The following NRXN1 variants were observed in gnomAD, a reference collection of about 807,000 sequenced individuals.
The protein encoded by NRXN1 is neurexin 1, also known as neurexin-1.
A neutral mutation model predicts 150.9 loss-of-function variants in NRXN1; 39 were observed. The observed-to-expected ratio is 0.26, with a 90% CI of 0.20 to 0.34. The LOEUF (loss-of-function observed/expected upper bound fraction) is 0.34, where lower values mean the gene tolerates loss of function less well. NRXN1 is among the 10% of genes least tolerant of loss of function. The pLI is 1.00. For missense variants in NRXN1, 1,815 were observed against 1,949.9 expected (o/e 0.93, Z 1.30); for synonymous variants, 924 against 757.0 (o/e 1.22, Z -3.62).
chr2:50,250,946 TG>T (rs1235601559), intron 17 of NRXN1, among the ~76,000 whole-genome samples: 1 of 151,360 alleles, frequency 6.6e-6, no homozygotes, highest in Non-Finnish European at 1.5e-5. Flanking sequence ...TTATTACATA[TG>T]GCATATGTAA....
intron 2 of NRXN1, among the ~76,000 whole-genome samples, chr2:50,940,097 G>A (rs1162068114): frequency 6.6e-6 from 1 of 151,998 alleles, no homozygotes; most frequent in Non-Finnish European, 1.5e-5. Context: ...TCTATTTATG[G>A]CTCCCGAAAT....
intron 5 of NRXN1, among the ~76,000 whole-genome samples, chr2:50,789,059 C>G (rs2105584449): frequency 6.6e-6 from 1 of 152,174 alleles, no homozygotes; most frequent in South Asian, 2.1e-4. Context: ...CCCGTAGGTC[C>G]AAACAAACCA....
chr2:50,368,251 T>C (rs1295128078), intron 17 of NRXN1, among the ~76,000 whole-genome samples: 1 of 151,908 alleles, frequency 6.6e-6, no homozygotes, highest in Non-Finnish European at 1.5e-5. Flanking sequence ...ATGAAACACA[T>C]TTTCAACTGG....
chr2:50,246,476 A>T (rs1287958013), intron 17 of NRXN1, among the ~76,000 whole-genome samples: 1 of 152,016 alleles, frequency 6.6e-6, no homozygotes, highest in Non-Finnish European at 1.5e-5. Context: ...ACTTTTGTTT[A>T]TTTCCTAATG....
Position 50,623,596 on chromosome 2 carries a change from G to A in NRXN1, c.852C>T (p.Ala284=), listed in dbSNP as rs768672716. 3 of 1,610,350 alleles carry A rather than the reference G, an allele frequency of 1.9e-6. No homozygotes were observed. Among genetic ancestry groups the A allele is most frequent in the Non-Finnish European group, 1.7e-6 (2 of 1,177,338 alleles). ...AGAAGTATTCAGATCCTTTGAACGT[G>A]GCAATATATTCTTCTTTTCCTAGAG... The part of the protein sequence containing the change: ...GKSKGKEEYI[A]TFKGSEYFCY... The change falls in exon 6 of 23, where the codon GCC becomes GCT. Residue 284 remains alanine (A), a synonymous_variant. Coordinates refer to ENST00000401669, the MANE Select transcript of NRXN1 (RefSeq NM_001330078.2).
At chr2:50,533,097 ATTTG>A (rs2093161850) in intron 10 of NRXN1, among the ~76,000 whole-genome samples, 1 of 152,120 alleles carries the variant, frequency 6.6e-6, no homozygotes, top group South Asian at 2.1e-4. Flanking sequence ...TTTAATCACT[ATTTG>A]TTGTCATGAT....
intron 17 of NRXN1, among the ~76,000 whole-genome samples, chr2:50,287,005 A>G (rs895315568): frequency 4.6e-5 from 7 of 152,030 alleles, no homozygotes; most frequent in Non-Finnish European, 1.0e-4. Flanking sequence ...TAGAACTTAT[A>G]TTTTGTTGAA....
intron 8 of NRXN1, among the ~76,000 whole-genome samples, chr2:50,603,926 A>G (rs903320690): frequency 6.6e-6 from 1 of 152,060 alleles, no homozygotes; most frequent in Non-Finnish European, 1.5e-5. Context: ...CGACCACTCA[A>G]GCTCCCCACT....
At chr2:50,043,069 G>A (rs1558756283) in intron 21 of NRXN1, among the ~76,000 whole-genome samples, 1 of 152,126 alleles carries the variant, frequency 6.6e-6, no homozygotes, top group Non-Finnish European at 1.5e-5. Context: ...TAGGCAATGT[G>A]AACAGTTTAC....
intron 22 of NRXN1, among the ~76,000 whole-genome samples, chr2:49,943,146 T>C (rs62132439): frequency 0.21 from 32,289 of 152,030 alleles, 3,657 homozygotes; most frequent in East Asian, 0.31. Context: ...AAGTAAAATG[T>C]TTCAGCTTGA....
At chr2:50,758,131 G>T (rs1337235816) in intron 5 of NRXN1, 1 of 151,822 alleles carries the variant, frequency 6.6e-6, no homozygotes, top group Admixed American at 6.6e-5. Context: ...AAAATTTCAA[G>T]TTTCTCTAAA....
chr2:51,018,957 C>G (rs1470468428), intron 2 of NRXN1, among the ~76,000 whole-genome samples: 2 of 151,974 alleles, frequency 1.3e-5, no homozygotes, highest in Non-Finnish European at 2.9e-5. Context: ...GTTATGAAAA[C>G]AAAGAGTGAT....
At chr2:51,018,498 A>G (rs533693807) in intron 2 of NRXN1, among the ~76,000 whole-genome samples, 4 of 152,222 alleles carry the variant, frequency 2.6e-5, no homozygotes, top group South Asian at 4.1e-4. Flanking sequence ...CAGGGCATTC[A>G]TCTTTCCAAC....
chr2:50,773,471 G>A (rs1487915807), intron 5 of NRXN1, among the ~76,000 whole-genome samples: 1 of 152,152 alleles, frequency 6.6e-6, no homozygotes, highest in Non-Finnish European at 1.5e-5. Flanking sequence ...TAGAAGGCCT[G>A]AAATAAATGA....
In NRXN1 at chr2:50,346,207, T is replaced by A. The variant is rs1285688582; in HGVS notation, c.3365-109237A>T. On this transcript the variant is annotated intron_variant, in intron 17 of 22. Coordinates refer to ENST00000401669, the MANE Select transcript of NRXN1 (RefSeq NM_001330078.2). This position sits in a 1 kb window ranked among gnomAD's most constrained non-coding sequence, Gnocchi z 5.0. ...GCAGTCTGGGCGCACTTTGGAGGAA[T>A]GTGCGGGCTGGAATCTCTCCCTCCC... Among the ~76,000 whole-genome samples, 1 of 152,186 alleles carries A rather than the reference T, an allele frequency of 6.6e-6. No homozygotes were observed. The highest frequency in any genetic ancestry group is 1.5e-5 in the Non-Finnish European group (1 of 68,024).
At chr2:50,449,920 G>A (rs1203225266) in intron 17 of NRXN1, among the ~76,000 whole-genome samples, 1 of 152,154 alleles carries the variant, frequency 6.6e-6, no homozygotes, top group Non-Finnish European at 1.5e-5. Flanking sequence ...CCATTTTACA[G>A]ATGAAGAAGC....
Position 50,117,614 on chromosome 2 carries a change from A to G in NRXN1, c.3547-26120T>C, listed in dbSNP as rs934105521. Among the ~76,000 whole-genome samples the G allele has an allele frequency of 2.6e-5, 4 of 152,184 alleles. 1 individual carries two copies. Among genetic ancestry groups the G allele is most frequent in the Admixed American group, 2.0e-4 (3 of 15,268 alleles). On this transcript the variant is annotated intron_variant, in intron 18 of 22. Coordinates refer to ENST00000401669, the MANE Select transcript of NRXN1 (RefSeq NM_001330078.2). ...GTATTAAATGAATACACCTTCTAGC[A>G]AAAATCATTTCTTGTTATGTGCCTC... is the stretch of plus-strand genomic sequence containing the variant.
At chr2:50,201,249 T>G (rs965593494) in intron 18 of NRXN1, among the ~76,000 whole-genome samples, 4 of 152,140 alleles carry the variant, frequency 2.6e-5, no homozygotes, top group Non-Finnish European at 5.9e-5. Flanking sequence ...ATAGTTCAAG[T>G]GATTTTCAAC....
intron 5 of NRXN1, among the ~76,000 whole-genome samples, chr2:50,665,482 T>C (rs1475749086): frequency 6.6e-6 from 1 of 151,938 alleles, no homozygotes; most frequent in Non-Finnish European, 1.5e-5. Flanking sequence ...CCGAATCAAA[T>C]AACTGATCTA....
Sources: allele counts gnomAD v4.1 joint callset (sites outside exome capture counted in the v4.1 genomes callset), GRCh38; gene constraint gnomAD v4.1.1; non-coding constraint Gnocchi (gnomAD v3.1); transcripts MANE v1.5; gene names NCBI Gene and HGNC (gene_info 2026-07-23, HGNC 2026-07-21).